The following CTIF variants were observed in gnomAD, a reference collection of about 807,000 sequenced individuals.
CTIF encodes the protein CBP80/20-dependent translation initiation factor.
In CTIF, 21 loss-of-function variants were observed where a neutral mutation model predicts 66.0. The ratio of observed to expected loss-of-function variants is 0.32; its 90% CI spans 0.23 to 0.46. The LOEUF is 0.46. CTIF is among the 20% of genes least tolerant of loss of function. The pLI, the probability that CTIF is intolerant of heterozygous loss-of-function variation, is 1.00. For missense variants in CTIF, 739 were observed against 812.7 expected (o/e 0.91, Z 1.10); for synonymous variants, 345 against 326.4 (o/e 1.06, Z -0.62).
chr18:48,585,284 G>C (rs781582488), intron 1 of CTIF, among the ~76,000 whole-genome samples: 33 of 152,250 alleles, frequency 2.2e-4, no homozygotes, highest in Non-Finnish European at 3.5e-4. Flanking sequence ...TGGATAGAGA[G>C]CAGAATGTAA....
At position 48,664,527 on chromosome 18, in the gene CTIF, C is replaced by T. The variant is rs1200520661; in HGVS notation, c.407C>T (p.Pro136Leu). 3.1e-6 allele frequency: 5 copies of T among 1,612,602 alleles called. No homozygotes were observed. Among genetic ancestry groups the T allele is most frequent in the Non-Finnish European group, 4.2e-6 (5 of 1,179,976 alleles). Residue 136 changes from proline to leucine, a missense_variant, in exon 5 of 12, where the codon CCC becomes CTC. Coordinates refer to ENST00000256413, the MANE Select transcript of CTIF (RefSeq NM_014772.3). ...HRKVRHTPKQ[P>L]LPHIDREGCG... ...AAAGTCCGACACACGCCCAAGCAGC[C>T]CCTGCCACACATCGACCGCGAAGGG... is the stretch of plus-strand genomic sequence containing the variant.
intron 6 of CTIF, among the ~76,000 whole-genome samples, chr18:48,710,678 C>T (rs890429410): frequency 6.6e-6 from 1 of 152,222 alleles, no homozygotes; most frequent in African/African-American, 2.4e-5. Context: ...CTCTCTCCAA[C>T]CTTGATGTAG....
chr18:48,708,617 T>G (rs1299133015), intron 6 of CTIF, among the ~76,000 whole-genome samples: 1 of 152,240 alleles, frequency 6.6e-6, no homozygotes, highest in East Asian at 1.9e-4. Context: ...TCTATAGCCC[T>G]GGCCTGGATT....
chr18:48,782,596 C>T (rs529696294), intron 9 of CTIF, among the ~76,000 whole-genome samples: 20 of 152,322 alleles, frequency 1.3e-4, no homozygotes, highest in South Asian at 1.0e-3. Context: ...TCTCAGCATT[C>T]GCTTTCCCCT....
rs57715945 is a variant in CTIF at position 48,669,793 on chromosome 18, TTATATATATATATATATATA to T, written c.432-847_432-828del. Reference sequence around the variant, plus strand: ...ATTTATAAACAAACAAGCTAAACATTTATATATATATATATATATATATATATATATATATATATATATAT... The same window carrying T: ...ATTTATAAACAAACAAGCTAAACATTTATATATATATATATATATATATAT... On this transcript the variant is annotated intron_variant, in intron 5 of 11. Transcript: ENST00000256413. Among the ~76,000 whole-genome samples the T allele has an allele frequency of 2.2e-3, 102 of 47,262 alleles. 1 individual carries two copies. Among genetic ancestry groups the T allele is most frequent in the African/African-American group, 7.8e-3 (92 of 11,868 alleles). The allele number at this position is 47,262 out of a possible 152,430, so 31.0% of individuals were successfully genotyped here. A position where few individuals can be genotyped will look rare whatever the true frequency, so the allele number is the denominator to read the frequency against.
rs2068159713 is a variant in CTIF at position 48,806,934 on chromosome 18, G to A, written c.1372-10287G>A. Among the ~76,000 whole-genome samples the A allele has an allele frequency of 3.9e-5, 6 of 152,200 alleles. No individual in the cohort carries two copies. In the South Asian group the frequency reaches 1.2e-3, roughly 32 times the overall value. On this transcript the variant is annotated intron_variant, in intron 9 of 11. Transcript: ENST00000256413. Reference sequence around the variant, plus strand: ...CCTTAAAGTTTGGGGAAAGGCACTAGGGGTTGCTGGGAGGTAGCCTGCCAA... The same window carrying A: ...CCTTAAAGTTTGGGGAAAGGCACTAAGGGTTGCTGGGAGGTAGCCTGCCAA...
intron 2 of CTIF, among the ~76,000 whole-genome samples, chr18:48,625,616 C>T (rs921336254): frequency 6.6e-6 from 1 of 152,154 alleles, no homozygotes; most frequent in African/African-American, 2.4e-5. Context: ...ATATCATAGC[C>T]AGTGGATATA....
At chr18:48,790,048 T>C (rs2061232721) in intron 9 of CTIF, among the ~76,000 whole-genome samples, 1 of 152,166 alleles carries the variant, frequency 6.6e-6, no homozygotes, top group African/African-American at 2.4e-5. Flanking sequence ...ATTGTGAAGA[T>C]GAAAGGAGCT....
chr18:48,614,138 C>T (rs990248187), intron 1 of CTIF, among the ~76,000 whole-genome samples: 11 of 152,290 alleles, frequency 7.2e-5, no homozygotes, highest in African/African-American at 2.6e-4. Context: ...GCTCTCTCAG[C>T]TTAGCCAGCA....
At chr18:48,618,426 A>G (rs2090435342) in intron 1 of CTIF, among the ~76,000 whole-genome samples, 1 of 152,232 alleles carries the variant, frequency 6.6e-6, no homozygotes, top group African/African-American at 2.4e-5. Flanking sequence ...AAGCATGTGC[A>G]GACTCTGTTT....
intron 7 of CTIF, among the ~76,000 whole-genome samples, chr18:48,756,912 A>G (rs962802549): frequency 4.6e-5 from 7 of 152,174 alleles, no homozygotes; most frequent in African/African-American, 1.7e-4. Flanking sequence ...TTCCTTCTGT[A>G]TCTGTTTGCT....
intron 9 of CTIF, among the ~76,000 whole-genome samples, chr18:48,777,104 G>A (rs1252713679): frequency 6.6e-6 from 1 of 152,258 alleles, no homozygotes; most frequent in African/African-American, 2.4e-5. Context: ...GGGTTGACCA[G>A]TGCAGAGCAG....
chr18:48,661,233 T>G (rs981998020), intron 3 of CTIF, among the ~76,000 whole-genome samples: 24 of 152,222 alleles, frequency 1.6e-4, no homozygotes, highest in African/African-American at 5.5e-4. Context: ...GCTGAATTTA[T>G]AGGCGCCAGA....
intron 1 of CTIF, among the ~76,000 whole-genome samples, chr18:48,584,010 T>C (rs2089716970): frequency 6.6e-6 from 1 of 152,206 alleles, no homozygotes. Context: ...TACAGCACCT[T>C]TGTGAGAATC....
intron 7 of CTIF, among the ~76,000 whole-genome samples, chr18:48,743,529 G>A (rs4939804): frequency 0.3 from 44,931 of 152,142 alleles, 7,409 homozygotes; most frequent in African/African-American, 0.44. Context: ...CAAAGCCACA[G>A]TGTAATGGTA....
intron 9 of CTIF, among the ~76,000 whole-genome samples, chr18:48,766,809 C>T (rs941609030): frequency 2.4e-5 from 2 of 82,760 alleles, no homozygotes; most frequent in African/African-American, 6.8e-5. Flanking sequence ...ATGCCTTCCA[C>T]TCCCCCAGCC....
intron 1 of CTIF, among the ~76,000 whole-genome samples, chr18:48,561,992 CA>C (rs967238382): frequency 6.6e-6 from 1 of 151,780 alleles, no homozygotes; most frequent in Admixed American, 6.6e-5. Context: ...TGGCTGGTTA[CA>C]AAAAAAAGAA....
chr18:48,626,656 G>GCTTTTT (rs373460550), intron 2 of CTIF, among the ~76,000 whole-genome samples: 1 of 108,060 alleles, frequency 9.3e-6, no homozygotes, highest in Non-Finnish European at 1.8e-5. Flanking sequence ...TTTTTTTTTT[G>GCTTTTT]TTTTTTTTTT....
At chr18:48,850,350 C>A (rs1264530478) in intron 10 of CTIF, among the ~76,000 whole-genome samples, 3 of 152,078 alleles carry the variant, frequency 2.0e-5, no homozygotes, top group Non-Finnish European at 4.4e-5. Flanking sequence ...TTCAAGATGC[C>A]GCTAATTTTT....
Sources: gnomAD v4.1 joint callset for allele counts (sites outside exome capture counted in the v4.1 genomes callset) on GRCh38, gnomAD v4.1.1 for gene constraint, MANE v1.5 for transcripts, NCBI Gene and HGNC (gene_info 2026-07-23, HGNC 2026-07-21) for gene names.